MED17: variants seen among roughly 807,000 people sequenced by gnomAD.
MED17 encodes the protein mediator of RNA polymerase II transcription subunit 17.
MED17 carries 49 observed loss-of-function variants against 80.8 expected under a neutral mutation model. The ratio of observed to expected loss-of-function variants is 0.61; its 90% confidence interval spans 0.48 to 0.77. The LOEUF (loss-of-function observed/expected upper bound fraction) is 0.77, where lower values mean the gene tolerates loss of function less well. Ranked by LOEUF, MED17 falls within the 30% of genes least tolerant of loss-of-function variation. The pLI, the probability that MED17 is intolerant of heterozygous loss-of-function variation, is 0.00. For missense variants in MED17, 718 were observed against 787.0 expected (o/e 0.91, Z 1.05); for synonymous variants, 281 against 280.4 (o/e 1.00, Z -0.02).
chr11:93,795,679 C>A (rs773973874), intron 6 of MED17: 3 of 153,382 alleles, frequency 2.0e-5, no homozygotes, highest in Non-Finnish European at 2.9e-5. Context: ...TAGCTTTGCA[C>A]TTGTTTTTTA....
chr11:93,794,804 G>T (rs1455450299), intron 5 of MED17, 104 bp from the exon 6 acceptor site: 1 of 1,218,186 alleles, frequency 8.2e-7, no homozygotes, highest in Non-Finnish European at 1.2e-6. Flanking sequence ...ATACCGTAAT[G>T]TAGTGTTTTC....
At chr11:93,803,696 G>T (rs915515646) in intron 9 of MED17, among the ~76,000 whole-genome samples, 3 of 152,004 alleles carry the variant, frequency 2.0e-5, no homozygotes, top group Admixed American at 6.6e-5. Flanking sequence ...ATAGTAAAAA[G>T]AGAGACTGAG....
At chr11:93,791,017 A>C (rs1943830540) in intron 3 of MED17, among the ~76,000 whole-genome samples, 1 of 152,128 alleles carries the variant, frequency 6.6e-6, no homozygotes. Flanking sequence ...CTGAGGCATG[A>C]GAATTGCTTG....
chr11:93,793,617 G>A (rs1170864847), intron 3 of MED17, 111 bp from the exon 4 acceptor site: 8 of 806,230 alleles, frequency 9.9e-6, no homozygotes, highest in South Asian at 4.8e-5. Flanking sequence ...TTTTAGTGGG[G>A]ACTTACTTTG....
chr11:93,802,927 T>C (rs1174636464), intron 9 of MED17, among the ~76,000 whole-genome samples: 3 of 152,238 alleles, frequency 2.0e-5, no homozygotes, highest in African/African-American at 7.2e-5. Context: ...TTTGAGCCTT[T>C]TTGAAATTTA....
At chr11:93,807,248 C>T (rs892082361) in intron 9 of MED17, 5 of 364,230 alleles carry the variant, frequency 1.4e-5, no homozygotes, top group South Asian at 5.2e-5. Context: ...TCCGTCTCTA[C>T]TAAAAATAAC....
chr11:93,788,319 A>C, intron 2 of MED17, 152 bp downstream of exon 2: 1 of 645,092 alleles, frequency 1.6e-6, no homozygotes, highest in South Asian at 1.9e-5. Context: ...AAAGCCATAC[A>C]ACTGCATTTC....
At position 93,795,061 on chromosome 11, in the gene MED17, G is replaced by A; in HGVS notation, c.1012+1G>A. On this transcript the variant is annotated splice_donor_variant, in intron 6 of 11. Transcript: ENST00000251871. LOFTEE classifies it high-confidence loss of function. ...CAGATTATCTCTCAGCCCTTTCCGA[G>A]TAAGAGCAGCCCTTTTTCGACTTTA... 1 of 1,614,152 alleles carries A rather than the reference G, an allele frequency of 6.2e-7. No homozygotes were observed. Among genetic ancestry groups the A allele is most frequent in the Non-Finnish European group, 8.5e-7 (1 of 1,180,032 alleles).
At position 93,807,558 on chromosome 11, in the gene MED17, C is replaced by T. The variant is rs200969521; in HGVS notation, c.1507C>T (p.Arg503Ter). Reference protein sequence around the residue: ...LQLNIGVEQIRVVHRDGRVIT... With the variant: ...LQLNIGVEQI ...ATTGAATATTGGAGTTGAGCAGATT[C>T]GAGTTGTACATAGAGATGGAAGAGT... Residue 503 changes from arginine (R) to a stop codon, truncating the protein, a stop_gained, in exon 10 of 12, where the codon CGA becomes TGA. Coordinates refer to ENST00000251871, the MANE Select transcript of MED17 (RefSeq NM_004268.5). LOFTEE classifies it high-confidence loss of function. 3 of 1,612,934 alleles carry T rather than the reference C, an allele frequency of 1.9e-6. No homozygotes were observed. The highest frequency in any genetic ancestry group is 2.5e-6 in the Non-Finnish European group (3 of 1,179,192).
At chr11:93,797,771 T>C (rs774966681) in intron 8 of MED17, 52 bp downstream of exon 8, 115 of 1,491,410 alleles carry the variant, frequency 7.7e-5, no homozygotes, top group Non-Finnish European at 9.6e-5. Flanking sequence ...AATTGCAGTG[T>C]TTTCTTCTGT....
At chr11:93,796,370 T>C in intron 6 of MED17, 40 bp from the exon 7 acceptor site, 1 of 1,552,930 alleles carries the variant, frequency 6.4e-7, no homozygotes, top group South Asian at 1.1e-5. Flanking sequence ...TTTCCATATT[T>C]CAGGTTATTT....
At chr11:93,787,267 G>A (rs1943780606) in intron 1 of MED17, among the ~76,000 whole-genome samples, 1 of 152,022 alleles carries the variant, frequency 6.6e-6, no homozygotes, top group African/African-American at 2.4e-5. Context: ...CAAAAAATTA[G>A]CTGGGCGTGG....
chr11:93,797,081 C>A (rs116324925), intron 7 of MED17: 3,428 of 195,506 alleles, frequency 0.018, 127 homozygotes, highest in African/African-American at 0.074. Flanking sequence ...GATAGGCAGC[C>A]GGGTTTGGGA....
chr11:93,801,901 A>C lies in MED17; in HGVS notation c.1395A>C (p.Ser465=), dbSNP rs2135717840. The C allele has an allele frequency of 1.2e-5, 20 of 1,612,440 alleles. No homozygotes were observed. The highest frequency in any genetic ancestry group is 1.7e-5 in the Non-Finnish European group (20 of 1,178,770). Residue 465 remains serine, a synonymous_variant, in exon 9 of 12, where the codon TCA becomes TCC. Coordinates refer to ENST00000251871, the MANE Select transcript of MED17 (RefSeq NM_004268.5). The part of the protein sequence containing the change: ...IEDPQIQAHW[S]NINDVYESSV... ...ATCCTCAGATACAGGCTCATTGGTC[A>C]AATATCAATGATGTTTATGAATCTA... is the stretch of plus-strand genomic sequence containing the variant.
At chr11:93,798,262 CTCT>C (rs1404040748) in intron 8 of MED17, among the ~76,000 whole-genome samples, 1 of 152,132 alleles carries the variant, frequency 6.6e-6, no homozygotes, top group Admixed American at 6.5e-5. Flanking sequence ...AACGCCAAAG[CTCT>C]TTTTTTTCCT....
rs1296174594 is a variant in MED17, at chr11:93,807,505, T to A, written c.1467-13T>A. On this transcript the variant is annotated splice_polypyrimidine_tract_variant and intron_variant, in intron 9 of 11. Transcript: ENST00000251871. ...TTGAACATCTCTGATTTTTAGTATG[T>A]GTGTCTATAAAGGTCCATTCAACTG... is the stretch of plus-strand genomic sequence containing the variant. 7.2e-7 allele frequency: 1 copy of A among 1,387,180 alleles called. No individual in the cohort carries two copies. The highest frequency in any genetic ancestry group is 1.4e-5 in the African/African-American group (1 of 70,152). 85.9% of individuals were successfully genotyped at this position (1,387,180 alleles called of 1,614,324 possible).
At chr11:93,808,663 T>G (rs569531580) in intron 10 of MED17, 1 of 151,990 alleles carries the variant, frequency 6.6e-6, no homozygotes, top group Admixed American at 6.5e-5. Flanking sequence ...TCTTATATAC[T>G]GATTTGCTTC....
At chr11:93,787,968 C>A (rs755463393) in intron 1 of MED17, 33 bp from the exon 2 acceptor site, 1 of 1,590,126 alleles carries the variant, frequency 6.3e-7, no homozygotes, top group Non-Finnish European at 8.6e-7. Flanking sequence ...ACGAATACTT[C>A]TGTATTTCTT....
intron 11 of MED17, chr11:93,811,332 A>G (rs1472976030): frequency 6.4e-6 from 1 of 156,846 alleles, no homozygotes; most frequent in East Asian, 1.9e-4. Flanking sequence ...GCATGTATTA[A>G]CAATTCATTG....
Sources: allele counts gnomAD v4.1 joint callset (sites outside exome capture counted in the v4.1 genomes callset), GRCh38; gene constraint gnomAD v4.1.1; transcripts MANE v1.5; gene names NCBI Gene and HGNC (gene_info 2026-07-23, HGNC 2026-07-21).